Variants in GMDS observed in about 807,000 individuals in gnomAD.
GMDS encodes GDP-mannose 4,6-dehydratase, also known as GDP-mannose 4,6 dehydratase.
In GMDS, 20 loss-of-function variants were observed where a neutral mutation model predicts 49.9. The observed-to-expected ratio is 0.40, with a 90% CI of 0.28 to 0.58. The LOEUF is 0.58. Ranked by LOEUF, GMDS falls within the 20% of genes least tolerant of loss-of-function variation. GMDS has a pLI of 0.42. For synonymous variants in GMDS, 177 were observed against 178.6 expected (o/e 0.99, Z 0.07); for missense variants, 362 against 481.4 (o/e 0.75, Z 2.32).
chr6:1,956,442 G>T (rs1763642064), intron 6 of GMDS, among the ~76,000 whole-genome samples: 1 of 152,180 alleles, frequency 6.6e-6, no homozygotes, highest in African/African-American at 2.4e-5. Context: ...TTGAAAGTCA[G>T]AAATTCTCAT....
intron 1 of GMDS, among the ~76,000 whole-genome samples, chr6:2,178,790 C>T (rs1395798696): frequency 2.6e-5 from 4 of 152,140 alleles, no homozygotes; most frequent in African/African-American, 7.2e-5. Context: ...ATATTTAATT[C>T]CCCTTTTTCA....
chr6:1,667,244 G>T lies in GMDS; in HGVS notation c.988-42704C>A, dbSNP rs551989682. On this transcript the variant is annotated intron_variant, in intron 9 of 10. Transcript: ENST00000380815. ...CTATCTAGAACCATAACTCAAAAAT[G>T]AAATTGCCCCAGCTTTTCTCCTCCC... Among the ~76,000 whole-genome samples, 27 of 152,314 alleles carry T rather than the reference G, an allele frequency of 1.8e-4. 1 individual carries two copies. The South Asian group carries it at 3.1e-3, about 18-fold the overall frequency.
chr6:1,694,080 C>A lies in GMDS; in HGVS notation c.987+32336G>T, dbSNP rs571588827. Reference sequence around the variant, plus strand: ...CACTAAAGAGAAGATCCTGGGCCCCCAAAGTGTGTTTGAACAATGGTAGCA... The same window carrying A: ...CACTAAAGAGAAGATCCTGGGCCCCAAAAGTGTGTTTGAACAATGGTAGCA... On this transcript the variant is annotated intron_variant, in intron 9 of 10. Coordinates refer to ENST00000380815, the MANE Select transcript of GMDS (RefSeq NM_001500.4). Among the ~76,000 whole-genome samples, 3 of 152,252 alleles carry A rather than the reference C, an allele frequency of 2.0e-5. No homozygotes were observed. The South Asian group carries it at 6.2e-4, about 32-fold the overall frequency.
At chr6:1,835,994 C>T (rs1372862534) in intron 7 of GMDS, among the ~76,000 whole-genome samples, 2 of 151,250 alleles carry the variant, frequency 1.3e-5, no homozygotes, top group Non-Finnish European at 3.0e-5. Flanking sequence ...TTCACACCAC[C>T]GGAGCTGTGA....
At chr6:1,915,780 C>T (rs1761355711) in intron 7 of GMDS, among the ~76,000 whole-genome samples, 1 of 152,218 alleles carries the variant, frequency 6.6e-6, no homozygotes. Flanking sequence ...TAGCACGTAT[C>T]TTACCAGACT....
At chr6:1,721,228 G>A (rs1337758227) in intron 9 of GMDS, among the ~76,000 whole-genome samples, 1 of 152,196 alleles carries the variant, frequency 6.6e-6, no homozygotes, top group East Asian at 1.9e-4. Flanking sequence ...ATGGTAATTT[G>A]ATCAGAAACA....
Position 2,234,531 on chromosome 6 carries a change from C to T in GMDS, c.102+10790G>A, listed in dbSNP as rs188206771. On this transcript the variant is annotated intron_variant, in intron 1 of 10. Coordinates refer to ENST00000380815, the MANE Select transcript of GMDS (RefSeq NM_001500.4). ...GGCTGAAGCAGGAGAATCACTTGAACCCAGGAGGCGGAGGTTGCAGTGAGC... is the reference window on the plus strand; with the variant it reads ...GGCTGAAGCAGGAGAATCACTTGAATCCAGGAGGCGGAGGTTGCAGTGAGC... Among the ~76,000 whole-genome samples the T allele has an allele frequency of 2.4e-4, 37 of 152,102 alleles. No homozygotes were observed. In the East Asian group the frequency reaches 6.8e-3, roughly 28 times the overall value.
intron 1 of GMDS, among the ~76,000 whole-genome samples, chr6:2,209,561 A>T (rs1779967967): frequency 7.3e-6 from 1 of 136,458 alleles, no homozygotes; most frequent in Admixed American, 7.9e-5. Context: ...ACATACATAC[A>T]CATACACATA....
rs187223534 is a variant in GMDS at position 2,017,182 on chromosome 6, G to A, written c.346-56216C>T. On this transcript the variant is annotated intron_variant, in intron 4 of 10. Coordinates refer to ENST00000380815, the MANE Select transcript of GMDS (RefSeq NM_001500.4). The stretch of plus-strand genomic sequence containing the variant: ...ACTGAAAGGTGGTGGGGGTGGCGAG[G>A]GTGGAGGAGAGGAGCGTGGACACAA... Among the ~76,000 whole-genome samples, 329 of 152,256 alleles carry A rather than the reference G, an allele frequency of 2.2e-3. 1 individual carries two copies. Among genetic ancestry groups the A allele is most frequent in the Non-Finnish European group, 3.9e-3 (262 of 68,022 alleles).
intron 7 of GMDS, among the ~76,000 whole-genome samples, chr6:1,901,991 C>T (rs558110108): frequency 3.3e-5 from 5 of 152,268 alleles, no homozygotes; most frequent in South Asian, 2.1e-4. Context: ...TATTTAAACA[C>T]GAAAATACTT....
At chr6:2,175,807 C>CTTA in intron 1 of GMDS, 1 of 626,886 alleles carries the variant, frequency 1.6e-6, no homozygotes, top group Admixed American at 2.6e-5. Context: ...TTATATAGCC[C>CTTA]TTAAAACATG....
chr6:1,871,395 A>G (rs980439297), intron 7 of GMDS, among the ~76,000 whole-genome samples: 2 of 152,238 alleles, frequency 1.3e-5, no homozygotes, highest in African/African-American at 2.4e-5. Flanking sequence ...AGAGAATGTA[A>G]TATTTTAATT....
At chr6:1,645,613 T>C (rs1763462560) in intron 9 of GMDS, among the ~76,000 whole-genome samples, 1 of 152,246 alleles carries the variant, frequency 6.6e-6, no homozygotes, top group Non-Finnish European at 1.5e-5. Context: ...GTCTCTGCTT[T>C]CTGCAGGCTC....
chr6:1,702,358 C>G (rs1765572067), intron 9 of GMDS, among the ~76,000 whole-genome samples: 1 of 152,210 alleles, frequency 6.6e-6, no homozygotes, highest in East Asian at 1.9e-4. Flanking sequence ...AAACATGAGA[C>G]TGTATTCTGT....
At chr6:1,657,913 C>T (rs1763940069) in intron 9 of GMDS, among the ~76,000 whole-genome samples, 1 of 152,094 alleles carries the variant, frequency 6.6e-6, no homozygotes, top group Admixed American at 6.5e-5. Flanking sequence ...ATCCCATCCC[C>T]CTCCCCTTTT....
intron 4 of GMDS, among the ~76,000 whole-genome samples, chr6:1,976,874 C>A (rs562899389): frequency 6.6e-6 from 1 of 152,006 alleles, no homozygotes; most frequent in Non-Finnish European, 1.5e-5. Flanking sequence ...GAAAACACAC[C>A]CTACACTGAA....
intron 7 of GMDS, among the ~76,000 whole-genome samples, chr6:1,763,933 G>A (rs748508915): frequency 2.0e-5 from 3 of 152,118 alleles, no homozygotes; most frequent in African/African-American, 4.8e-5. Context: ...CTGAAGCTGC[G>A]ATCCACTGGA....
At chr6:2,013,162 T>C (rs1767664627) in intron 4 of GMDS, among the ~76,000 whole-genome samples, 1 of 152,158 alleles carries the variant, frequency 6.6e-6, no homozygotes, top group African/African-American at 2.4e-5. Context: ...GGATTACAAC[T>C]GAGAGAGCAG....
intron 1 of GMDS, among the ~76,000 whole-genome samples, chr6:2,224,180 T>C (rs1411483308): frequency 6.6e-6 from 1 of 152,118 alleles, no homozygotes; most frequent in African/African-American, 2.4e-5. Context: ...GAACAGTCCT[T>C]AAGAGATAAG....
Sources: gnomAD v4.1 joint callset for allele counts (sites outside exome capture counted in the v4.1 genomes callset) on GRCh38, gnomAD v4.1.1 for gene constraint, MANE v1.5 for transcripts, NCBI Gene and HGNC (gene_info 2026-07-23, HGNC 2026-07-21) for gene names.